Variants in ZNF217 observed in about 807,000 individuals in gnomAD.
ZNF217 encodes zinc finger protein 217.
In ZNF217, 12 loss-of-function variants were observed where a neutral mutation model predicts 73.3. The observed-to-expected ratio is 0.16, with a 90% CI of 0.10 to 0.27. The LOEUF (loss-of-function observed/expected upper bound fraction) is 0.27, where lower values mean the gene tolerates loss of function less well. ZNF217 is among the 10% of genes least tolerant of loss of function. The probability of loss-of-function intolerance (pLI) is 1.00; values close to 1 mark genes in which losing one functional copy is unlikely to be tolerated. For missense variants in ZNF217, 1,195 were observed against 1,327.8 expected, an observed-to-expected ratio of 0.90 and a Z score of 1.55; for synonymous variants, 588 against 516.4, an observed-to-expected ratio of 1.14 and a Z score of -1.88.
At position 53,588,594 on chromosome 20, in the gene ZNF217, CTATATATATATATATA is replaced by C. The variant is rs61379629; in HGVS notation, c.-343+5146_-343+5161del. 8.8e-4 allele frequency among the ~76,000 whole-genome samples: 131 copies of C among 148,268 alleles called. 1 individual carries two copies. Among genetic ancestry groups the C allele is most frequent in the African/African-American group, 2.0e-3 (80 of 40,834 alleles). On this transcript the variant is annotated intron_variant, in intron 1 of 5. Transcript: ENST00000371471. Reference sequence around the variant, plus strand: ...TGAACGTGTGTATACACACATCTATCTATATATATATATATATATATATATATATATACACACACAC... The same window carrying C: ...TGAACGTGTGTATACACACATCTATCTATATATATATATATACACACACAC...
intron 1 of ZNF217, among the ~76,000 whole-genome samples, chr20:53,588,658 AC>A (rs1988785667): frequency 6.6e-6 from 1 of 151,958 alleles, no homozygotes; most frequent in Non-Finnish European, 1.5e-5. Flanking sequence ...CCACTACTAG[AC>A]CACTACACCA....
intron 1 of ZNF217, among the ~76,000 whole-genome samples, chr20:53,589,561 C>CA (rs1442221300): frequency 1.3e-5 from 2 of 152,230 alleles, no homozygotes; most frequent in Non-Finnish European, 2.9e-5. Flanking sequence ...AAGAATTGAG[C>CA]ATGTCATCGT....
chr20:53,586,277 T>C (rs1248704136), intron 1 of ZNF217, among the ~76,000 whole-genome samples: 4 of 152,276 alleles, frequency 2.6e-5, no homozygotes, highest in East Asian at 1.9e-4. Context: ...GTACACACGT[T>C]TGGCCACAGT....
chr20:53,575,862 G>A lies in ZNF217; in HGVS notation c.2902C>T (p.Pro968Ser), dbSNP rs776633916. The A allele has an allele frequency of 3.1e-6, 5 of 1,614,102 alleles. No homozygotes were observed. Among genetic ancestry groups the A allele is most frequent in the Non-Finnish European group, 4.2e-6 (5 of 1,180,056 alleles). ...DCVYPSQALP[P>S]KPRFLSSSEV... The stretch of plus-strand genomic sequence containing the variant: ...CTGGAGCTCAGGAACCTTGGTTTGG[G>A]AGGCAGCGCCTGCGACGGATACACA... The change falls in exon 4 of 6, where the codon CCC (proline) becomes TCC (serine). Residue 968 changes from proline (P) to serine (S), a missense_variant. By Grantham distance (74) the Pro-to-Ser change is moderately conservative. Around this residue, in one of 9 missense-constraint regions of ZNF217, gnomAD observed 649 missense variants for 642.8 expected, o/e 1.01. Transcript: ENST00000371471.
At chr20:53,572,006 C>T (rs1441680235) in intron 4 of ZNF217, among the ~76,000 whole-genome samples, 153 bp from the exon 5 acceptor site, 1 of 152,104 alleles carries the variant, frequency 6.6e-6, no homozygotes, top group East Asian at 1.9e-4. Context: ...TCAGTTACAG[C>T]TGAATTGTTT....
chr20:53,572,517 A>G (rs1013199484), intron 4 of ZNF217: 4 of 152,076 alleles, frequency 2.6e-5, no homozygotes, highest in African/African-American at 7.2e-5. Flanking sequence ...TTTAAGCACC[A>G]TGGGGGGGGA....
chr20:53,583,518 T>C (rs953159523), intron 1 of ZNF217, among the ~76,000 whole-genome samples: 1 of 152,166 alleles, frequency 6.6e-6, no homozygotes. Context: ...ATCAACAGCC[T>C]CCCTAAATCT....
chr20:53,589,150 C>CA (rs1196987020), intron 1 of ZNF217, among the ~76,000 whole-genome samples: 1 of 152,116 alleles, frequency 6.6e-6, no homozygotes, highest in African/African-American at 2.4e-5. Context: ...AATACAGAAA[C>CA]ACTACACGAG....
At chr20:53,578,500 G>A (rs900638917) in intron 2 of ZNF217, 50 bp from the exon 3 acceptor site, 2 of 1,158,962 alleles carry the variant, frequency 1.7e-6, no homozygotes, top group East Asian at 5.1e-5. Context: ...TGAAGTACCT[G>A]AATAAGGCAT....
At position 53,576,327 on chromosome 20, in the gene ZNF217, A is replaced by C. The variant is rs1156643161; in HGVS notation, c.2437T>G (p.Leu813Val). 6.2e-7 allele frequency: 1 copy of C among 1,614,172 alleles called. No homozygotes were observed. Among genetic ancestry groups the C allele is most frequent in the Non-Finnish European group, 8.5e-7 (1 of 1,180,026 alleles). Residue 813 changes from leucine (L) to valine (V), a missense_variant, in exon 4 of 6, where the codon TTA becomes GTA. Physicochemically the swap from Leu to Val is conservative, Grantham distance 32. Transcript: ENST00000371471. ...PLTSGIDSST[L>V]APSNLKSHRP... ...TGGGACTTCAGGTTACTTGGGGCTA[A>C]AGTGCTAGAGTCTATCCCTGAAGTC...
At chr20:53,577,344 C>T (rs919460707) in intron 3 of ZNF217, 64 bp from the exon 4 acceptor site, 11 of 1,403,524 alleles carry the variant, frequency 7.8e-6, no homozygotes, top group African/African-American at 1.4e-5. Context: ...GATCAAATAT[C>T]TATTTATTAA....
chr20:53,593,078 G>A (rs1988939027), intron 1 of ZNF217, among the ~76,000 whole-genome samples: 1 of 151,874 alleles, frequency 6.6e-6, no homozygotes, highest in Non-Finnish European at 1.5e-5. Context: ...ACGCAGCCCC[G>A]TGCATCCCTG....
rs1463781330 is a variant in ZNF217, at chr20:53,581,391, T to C, written c.1366+70A>G. The C allele has an allele frequency of 2.4e-5, 36 of 1,518,964 alleles. No individual in the cohort carries two copies. The highest frequency in any genetic ancestry group is 6.2e-5 in the Admixed American group (3 of 48,390). The allele number at this position is 1,518,964 out of a possible 1,614,324, so 94.1% of individuals were successfully genotyped here. A position where few individuals can be genotyped will look rare whatever the true frequency, so the allele number is the denominator to read the frequency against. On this transcript the variant is annotated intron_variant, in intron 2 of 5. Coordinates refer to ENST00000371471, the MANE Select transcript of ZNF217 (RefSeq NM_006526.3). The surrounding 1 kb of genome is among the most constrained non-coding windows in gnomAD (Gnocchi z 4.9). The stretch of plus-strand genomic sequence containing the variant: ...GGCCAGCGTTGTCTGGAGATGGGAA[T>C]AGAGAGGGGGAGACGGGGAGACAGA...
chr20:53,593,491 C>G (rs558720484), intron 1 of ZNF217, among the ~76,000 whole-genome samples: 1 of 151,314 alleles, frequency 6.6e-6, no homozygotes, highest in Admixed American at 6.6e-5. Context: ...GCACCCCAAG[C>G]CCCTCTGAAT....
In ZNF217 at chr20:53,577,188, G is replaced by C. The variant is rs1393172324; in HGVS notation, c.1576C>G (p.Gln526Glu). 6.2e-7 allele frequency: 1 copy of C among 1,612,618 alleles called. No individual in the cohort carries two copies. Among genetic ancestry groups the C allele is most frequent in the East Asian group, 2.2e-5 (1 of 44,888 alleles). Residue 526 changes from glutamine (Q) to glutamate (E), a missense_variant, in exon 4 of 6, where the codon CAA (glutamine) becomes GAA (glutamate). By Grantham distance (29) the Gln-to-Glu change is conservative (BLOSUM62 2). Coordinates refer to ENST00000371471, the MANE Select transcript of ZNF217 (RefSeq NM_006526.3). ...TTGACTTCAGCAGCAACATCGGTTT[G>C]TTTTTCCTTGTGATGTCTCTCCAAG... ...YHLERHHKEK[Q>E]TDVAAEVKND...
At chr20:53,597,014 C>T (rs115936849), upstream of ZNF217, among the ~76,000 whole-genome samples, 820 of 147,322 alleles carry the variant, frequency 5.6e-3, 8 homozygotes, top group African/African-American at 0.02. Flanking sequence ...AAGGCCTCTT[C>T]GTTTAGCCAA....
chr20:53,586,216 G>A (rs987436178), intron 1 of ZNF217, among the ~76,000 whole-genome samples: 3 of 152,258 alleles, frequency 2.0e-5, no homozygotes. Flanking sequence ...TTAGGCACTC[G>A]ACACATAGCT....
chr20:53,578,262 C>T, intron 3 of ZNF217, 72 bp downstream of exon 3: 8 of 1,047,330 alleles, frequency 7.6e-6, no homozygotes, highest in Non-Finnish European at 1.1e-5. Flanking sequence ...AGTATCTGAA[C>T]AACAACAACA....
chr20:53,586,274 C>A (rs560197264), intron 1 of ZNF217, among the ~76,000 whole-genome samples: 1 of 152,142 alleles, frequency 6.6e-6, no homozygotes, highest in Non-Finnish European at 1.5e-5. Flanking sequence ...TCAGTACACA[C>A]GTTTGGCCAC....
Sources: allele counts gnomAD v4.1 joint callset (sites outside exome capture counted in the v4.1 genomes callset), GRCh38; gene constraint gnomAD v4.1.1; regional missense constraint gnomAD v4.1.1; non-coding constraint Gnocchi (gnomAD v3.1); transcripts MANE v1.5; gene names NCBI Gene and HGNC (gene_info 2026-07-23, HGNC 2026-07-21).